CAAP1: variants seen among roughly 807,000 people sequenced by gnomAD.
CAAP1 encodes conserved anti-apoptotic protein.
In CAAP1, 20 loss-of-function variants were observed where a neutral mutation model predicts 34.0. That is an observed-to-expected ratio of 0.59 (90% confidence interval 0.41 to 0.86). The LOEUF (loss-of-function observed/expected upper bound fraction) is 0.86, where lower values mean the gene tolerates loss of function less well. Ranked by LOEUF, CAAP1 falls within the 40% of genes least tolerant of loss-of-function variation. The pLI is 0.00. For missense variants in CAAP1, 538 were observed against 450.5 expected (o/e 1.19, Z -1.76); for synonymous variants, 213 against 166.7 (o/e 1.28, Z -2.14).
At chr9:26,867,348 C>T (rs1823164152) in intron 4 of CAAP1, among the ~76,000 whole-genome samples, 2 of 152,172 alleles carry the variant, frequency 1.3e-5, no homozygotes, top group African/African-American at 4.8e-5. Context: ...CAAATCTCCT[C>T]CTGTTTCCCT....
At chr9:26,869,740 G>C (rs1823228039) in intron 4 of CAAP1, among the ~76,000 whole-genome samples, 1 of 152,146 alleles carries the variant, frequency 6.6e-6, no homozygotes, top group African/African-American at 2.4e-5. Context: ...AGTTTAAATG[G>C]TGGGAGAGGT....
intron 1 of CAAP1, among the ~76,000 whole-genome samples, chr9:26,890,053 T>G (rs775885567): frequency 2.0e-5 from 3 of 152,012 alleles, no homozygotes; most frequent in Admixed American, 6.5e-5. Context: ...TTGACCAGTG[T>G]TGTTGGTCTC....
At chr9:26,870,890 T>G (rs147324838) in intron 4 of CAAP1, among the ~76,000 whole-genome samples, 3 of 152,250 alleles carry the variant, frequency 2.0e-5, no homozygotes, top group African/African-American at 7.2e-5. Context: ...GAGCTGGGAT[T>G]ACAGGCGTGA....
At chr9:26,864,977 G>A (rs1449377835) in intron 4 of CAAP1, among the ~76,000 whole-genome samples, 1 of 152,118 alleles carries the variant, frequency 6.6e-6, no homozygotes, top group African/African-American at 2.4e-5. Flanking sequence ...CAAAGGATAT[G>A]AGAACATTAA....
At chr9:26,851,441 A>T (rs1822749649) in intron 5 of CAAP1, among the ~76,000 whole-genome samples, 1 of 152,118 alleles carries the variant, frequency 6.6e-6, no homozygotes, top group Admixed American at 6.5e-5. Context: ...AGAATATATA[A>T]AAAAAGGCAG....
intron 4 of CAAP1, among the ~76,000 whole-genome samples, chr9:26,882,381 C>A (rs1419192687): frequency 6.6e-6 from 1 of 152,168 alleles, no homozygotes; most frequent in Non-Finnish European, 1.5e-5. Flanking sequence ...GGACTTGGTG[C>A]TTCAGAGGGC....
chr9:26,865,518 A>C (rs959134370), intron 4 of CAAP1, among the ~76,000 whole-genome samples: 3 of 140,178 alleles, frequency 2.1e-5, no homozygotes, highest in African/African-American at 8.8e-5. Context: ...GAGAGAAACT[A>C]TGTCTCAAAA....
chr9:26,884,402 T>C (rs1398783086), intron 4 of CAAP1, among the ~76,000 whole-genome samples: 1 of 152,214 alleles, frequency 6.6e-6, no homozygotes, highest in African/African-American at 2.4e-5. Flanking sequence ...GAAATGAGGC[T>C]ATTATTGCCT....
At chr9:26,849,641 A>C (rs1822695179) in intron 5 of CAAP1, among the ~76,000 whole-genome samples, 1 of 150,598 alleles carries the variant, frequency 6.6e-6, no homozygotes, top group Non-Finnish European at 1.5e-5. Flanking sequence ...GATTTCAATA[A>C]CATTAGTTTA....
chr9:26,860,436 C>T (rs903942144), intron 5 of CAAP1, among the ~76,000 whole-genome samples: 2 of 152,076 alleles, frequency 1.3e-5, no homozygotes, highest in African/African-American at 2.4e-5. Context: ...GGTTTTTTCC[C>T]ACATACAACC....
chr9:26,844,417 C>G (rs1587084290), intron 5 of CAAP1, among the ~76,000 whole-genome samples: 1 of 152,122 alleles, frequency 6.6e-6, no homozygotes, highest in East Asian at 1.9e-4. Context: ...ACTTTAGTGT[C>G]TCCGAGGCTT....
intron 4 of CAAP1, among the ~76,000 whole-genome samples, chr9:26,875,478 T>C (rs1454574139): frequency 6.6e-6 from 1 of 152,168 alleles, no homozygotes; most frequent in Non-Finnish European, 1.5e-5. Context: ...AAAGAAAACA[T>C]CAAATTTTTT....
In CAAP1 at chr9:26,846,415, C is replaced by CAAAA. The variant is rs761402354; in HGVS notation, c.740-3772_740-3769dup. ...TGGGTGACAGAGCGAGACTCTGTCTCAAAAAAAAAAAAAAAAAAAAAAAAG... is the reference window on the plus strand; with the variant it reads ...TGGGTGACAGAGCGAGACTCTGTCTCAAAAAAAAAAAAAAAAAAAAAAAAAAAAG... On this transcript the variant is annotated intron_variant, in intron 5 of 5. Transcript: ENST00000333916. 1.2e-3 allele frequency among the ~76,000 whole-genome samples: 75 copies of CAAAA among 61,644 alleles called. 2 individuals are homozygous for CAAAA. In the East Asian group the frequency reaches 0.014, roughly 12 times the overall value. 40.4% of individuals were successfully genotyped at this position (61,644 alleles called of 152,430 possible).
intron 2 of CAAP1, among the ~76,000 whole-genome samples, chr9:26,887,043 G>A (rs775601904): frequency 7.9e-5 from 12 of 152,000 alleles, no homozygotes; most frequent in Non-Finnish European, 1.6e-4. Flanking sequence ...GTGAAACCCC[G>A]TCTCTTAAAA....
chr9:26,891,561 G>A (rs1479346597), intron 1 of CAAP1, among the ~76,000 whole-genome samples: 1 of 148,576 alleles, frequency 6.7e-6, no homozygotes, highest in Admixed American at 6.8e-5. Flanking sequence ...TGTTTGTATT[G>A]TAGTCACAAC....
chr9:26,858,742 G>A (rs1158667043), intron 5 of CAAP1, among the ~76,000 whole-genome samples: 4 of 151,198 alleles, frequency 2.6e-5, no homozygotes, highest in African/African-American at 7.3e-5. Flanking sequence ...GGAATGGTGT[G>A]AACCTGGGAG....
rs3739551 is a variant in CAAP1 at position 26,842,751 on chromosome 9, T to C, written c.740-104A>G. ...ACTGCTTTGATCCCACCTCCCACTATGGAGTCCCAAACACATTCCATAATC... is the reference window on the plus strand; with the variant it reads ...ACTGCTTTGATCCCACCTCCCACTACGGAGTCCCAAACACATTCCATAATC... On this transcript the variant is annotated intron_variant, in intron 5 of 5. Coordinates refer to ENST00000333916, the MANE Select transcript of CAAP1 (RefSeq NM_024828.4). The C allele has an allele frequency of 2.3e-4, 203 of 891,648 alleles. No individual in the cohort carries two copies. The East Asian group carries it at 4.9e-3, about 22-fold the overall frequency. 55.2% of individuals were successfully genotyped at this position (891,648 alleles called of 1,614,324 possible).
rs763413848 is a variant in CAAP1 at position 26,892,519 on chromosome 9, C to A, written c.197G>T (p.Gly66Val). 3.2e-6 allele frequency: 5 copies of A among 1,571,936 alleles called. 1 individual carries two copies. In the South Asian group the frequency reaches 5.7e-5, roughly 18 times the overall value. Residue 66 changes from glycine (G) to valine (V), a missense_variant, in exon 1 of 6, where the codon GGC becomes GTC. This residue lies in a region of CAAP1 where 514 missense variants were observed against 408.4 expected (regional missense o/e 1.26). Coordinates refer to ENST00000333916, the MANE Select transcript of CAAP1 (RefSeq NM_024828.4). ...CCAACAGCTGCCGCCGCTCCCACCG[C>A]CGGTGACACTTCCACTAAAATTGGC... ...GNANFSGSVT[G>V]GGSGGSCWGG... is the part of the protein sequence containing the mutation.
chr9:26,867,613 T>C (rs2131318107), intron 4 of CAAP1, among the ~76,000 whole-genome samples: 1 of 152,298 alleles, frequency 6.6e-6, no homozygotes, highest in Admixed American at 6.5e-5. Flanking sequence ...GTATTAGCAT[T>C]ATCTGTGATT....
Sources: gnomAD v4.1 joint callset for allele counts (sites outside exome capture counted in the v4.1 genomes callset) on GRCh38, gnomAD v4.1.1 for gene constraint, gnomAD v4.1.1 regional missense constraint, MANE v1.5 for transcripts, NCBI Gene and HGNC (gene_info 2026-07-23, HGNC 2026-07-21) for gene names.